GALNT13: variants seen among roughly 807,000 people sequenced by gnomAD.
GALNT13 encodes UDP-GalNAc:polypeptide N-acetylgalactosaminyltransferase 13.
A neutral mutation model predicts 64.2 loss-of-function variants in GALNT13; 28 were observed. The observed-to-expected ratio is 0.44, with a 90% CI of 0.32 to 0.60. GALNT13 has a LOEUF of 0.60. Ranked by LOEUF, GALNT13 falls within the 20% of genes least tolerant of loss-of-function variation. The pLI is 0.05. For missense variants in GALNT13, 577 were observed against 669.8 expected, an observed-to-expected ratio of 0.86 and a Z score of 1.53; for synonymous variants, 214 against 224.6, an observed-to-expected ratio of 0.95 and a Z score of 0.42.
At chr2:154,426,699 C>T (rs1013987401) in intron 11 of GALNT13, among the ~76,000 whole-genome samples, 1 of 152,074 alleles carries the variant, frequency 6.6e-6, no homozygotes, top group African/African-American at 2.4e-5. Flanking sequence ...AGGGCAGAGT[C>T]AAGTATTAAA....
chr2:153,158,535 T>A, the GALNT13 span, among the ~76,000 whole-genome samples: 1 of 152,098 alleles, frequency 6.6e-6, no homozygotes, highest in Non-Finnish European at 1.5e-5. Context: ...GTCAATAACA[T>A]CTTACGAGAG....
At chr2:154,151,639 G>A (rs1684033656) in intron 4 of GALNT13, among the ~76,000 whole-genome samples, 1 of 152,166 alleles carries the variant, frequency 6.6e-6, no homozygotes, top group African/African-American at 2.4e-5. Context: ...ATATATTTAG[G>A]ATAGTTAGCT....
chr2:154,451,261 G>T lies in GALNT13; in HGVS notation c.*710G>T, dbSNP rs1701861337. 6.6e-6 allele frequency: 1 copy of T among 152,112 alleles called. No homozygotes were observed. Among genetic ancestry groups the T allele is most frequent in the African/African-American group, 2.4e-5 (1 of 41,432 alleles). The allele number at this position is 152,112 out of a possible 1,614,324, so 9.4% of individuals were successfully genotyped here. A position where few individuals can be genotyped will look rare whatever the true frequency, so the allele number is the denominator to read the frequency against. On this transcript the variant is annotated 3_prime_UTR_variant, in exon 13 of 13. Coordinates refer to ENST00000392825, the MANE Select transcript of GALNT13 (RefSeq NM_052917.4). ...CCGCAGCACTTCGATCACTGTGAGA[G>T]AACTCAAAGTGGGTTGCAATCATTC...
At chr2:153,203,108 T>G in the GALNT13 span, among the ~76,000 whole-genome samples, 43,519 of 152,158 alleles carry the variant, frequency 0.29, 7,469 homozygotes, top group Non-Finnish European at 0.39. Flanking sequence ...GTTACTTGTC[T>G]GCTTTCAAGA....
At chr2:154,427,729 A>G (rs1700532551) in intron 11 of GALNT13, among the ~76,000 whole-genome samples, 1 of 152,180 alleles carries the variant, frequency 6.6e-6, no homozygotes, top group South Asian at 2.1e-4. Flanking sequence ...GAGTAAGTTA[A>G]GAGTGTACAG....
At chr2:154,315,393 G>A (rs1003658246) in intron 9 of GALNT13, among the ~76,000 whole-genome samples, 1 of 152,186 alleles carries the variant, frequency 6.6e-6, no homozygotes, top group Admixed American at 6.6e-5. Flanking sequence ...AGTTGCATCA[G>A]GGAGGCAGGG....
the GALNT13 span, among the ~76,000 whole-genome samples, chr2:153,458,846 C>A: frequency 1.3e-5 from 2 of 152,156 alleles, no homozygotes; most frequent in Non-Finnish European, 2.9e-5. Flanking sequence ...TTTGCTCCAA[C>A]AATTTCAGTG....
intron 8 of GALNT13, among the ~76,000 whole-genome samples, chr2:154,299,742 C>T (rs1316826611): frequency 1.3e-5 from 2 of 151,656 alleles, no homozygotes; most frequent in African/African-American, 2.4e-5. Flanking sequence ...GGATTACAGG[C>T]GTGAGCCACC....
intron 8 of GALNT13, among the ~76,000 whole-genome samples, chr2:154,292,922 A>G (rs1692724771): frequency 6.6e-6 from 1 of 152,206 alleles, no homozygotes; most frequent in Admixed American, 6.5e-5. Context: ...AAAAGGATAA[A>G]GTATGTTCGT....
chr2:153,653,635 A>G, the GALNT13 span, among the ~76,000 whole-genome samples: 114 of 152,296 alleles, frequency 7.5e-4, 1 homozygote, highest in Non-Finnish European at 1.2e-3. Context: ...CTCCCCAGAA[A>G]AAGACCACAA....
the GALNT13 span, among the ~76,000 whole-genome samples, chr2:153,682,768 C>T: frequency 9.2e-5 from 14 of 151,680 alleles, 1 homozygote; most frequent in South Asian, 1.0e-3. Context: ...AAGTTAAATC[C>T]TCCTCTTGGT....
chr2:153,403,939 A>T, the GALNT13 span, among the ~76,000 whole-genome samples: 2 of 152,194 alleles, frequency 1.3e-5, no homozygotes, highest in African/African-American at 4.8e-5. Context: ...CTATTCGGCC[A>T]TCTTGGCTCC....
At chr2:154,238,400 A>G (rs566340014) in intron 4 of GALNT13, among the ~76,000 whole-genome samples, 128 of 152,072 alleles carry the variant, frequency 8.4e-4, no homozygotes, top group Non-Finnish European at 1.4e-3. Context: ...TGTAAGCTCT[A>G]TTTAAGTATT....
At chr2:153,856,473 G>T in the GALNT13 span, among the ~76,000 whole-genome samples, 1 of 152,096 alleles carries the variant, frequency 6.6e-6, no homozygotes, top group Non-Finnish European at 1.5e-5. Flanking sequence ...TCTAAGGTTT[G>T]AATGACCATT....
chr2:153,483,166 G>A, the GALNT13 span, among the ~76,000 whole-genome samples: 1 of 151,970 alleles, frequency 6.6e-6, no homozygotes, highest in African/African-American at 2.4e-5. Flanking sequence ...ACATTATGGT[G>A]GTTCCTCAAA....
chr2:153,431,230 C>A, the GALNT13 span, among the ~76,000 whole-genome samples: 10 of 151,590 alleles, frequency 6.6e-5, no homozygotes, highest in South Asian at 2.1e-3. Flanking sequence ...GTTATAGTTG[C>A]CTAGTTTAAG....
chr2:153,785,460 T>G, the GALNT13 span, among the ~76,000 whole-genome samples: 1 of 152,172 alleles, frequency 6.6e-6, no homozygotes, highest in Non-Finnish European at 1.5e-5. Flanking sequence ...GACTATGGAC[T>G]GGAGCAGACT....
At chr2:153,311,643 T>C in the GALNT13 span, among the ~76,000 whole-genome samples, 1 of 152,142 alleles carries the variant, frequency 6.6e-6, no homozygotes, top group Non-Finnish European at 1.5e-5. Flanking sequence ...GAGGATCTGT[T>C]CAAGACTCAC....
chr2:153,812,964 T>C, the GALNT13 span, among the ~76,000 whole-genome samples: 1 of 152,232 alleles, frequency 6.6e-6, no homozygotes, highest in African/African-American at 2.4e-5. Context: ...TTCACTGATA[T>C]TGCTGAGATA....
Sources: allele counts gnomAD v4.1 joint callset (sites outside exome capture counted in the v4.1 genomes callset), GRCh38; gene constraint gnomAD v4.1.1; transcripts MANE v1.5; gene names NCBI Gene and HGNC (gene_info 2026-07-23, HGNC 2026-07-21).